Variants in HACE1 observed in about 807,000 individuals in gnomAD.
HACE1 encodes the protein HECT domain and ankyrin repeat containing E3 ubiquitin protein ligase 1, also known as E3 ubiquitin-protein ligase HACE1.
In HACE1, 73 loss-of-function variants were observed where a neutral mutation model predicts 118.4. That is an observed-to-expected ratio of 0.62 (90% CI 0.51 to 0.75). The LOEUF (loss-of-function observed/expected upper bound fraction) is 0.75, where lower values mean the gene tolerates loss of function less well. Ranked by LOEUF, HACE1 falls within the 30% of genes least tolerant of loss-of-function variation. The pLI is 0.00. For missense variants in HACE1, 749 were observed against 1,102.2 expected, an observed-to-expected ratio of 0.68 and a Z score of 4.54; for synonymous variants, 368 against 374.8, an observed-to-expected ratio of 0.98 and a Z score of 0.21.
intron 17 of HACE1, among the ~76,000 whole-genome samples, chr6:104,773,549 G>C (rs1780861828): frequency 6.6e-6 from 1 of 151,612 alleles, no homozygotes; most frequent in South Asian, 2.1e-4. Context: ...GTGAGATAAA[G>C]GCAGACTTCA....
intron 1 of HACE1, among the ~76,000 whole-genome samples, chr6:104,857,081 T>C (rs1776791780): frequency 6.6e-6 from 1 of 151,304 alleles, no homozygotes. Flanking sequence ...TTTAGAGAGA[T>C]CTCAGAGTTT....
intron 22 of HACE1, among the ~76,000 whole-genome samples, chr6:104,741,139 A>G (rs1164699915): frequency 9.4e-6 from 1 of 106,686 alleles, no homozygotes; most frequent in Non-Finnish European, 1.8e-5. Flanking sequence ...CCAATAAATT[A>G]GGTATTGATG....
rs1050492347 is a variant in HACE1, at chr6:104,729,305, G to C, written c.*357C>G. 4.2e-6 allele frequency: 1 copy of C among 239,778 alleles called. No individual in the cohort carries two copies. Among genetic ancestry groups the C allele is most frequent in the Non-Finnish European group, 8.2e-6 (1 of 121,296 alleles). The allele number at this position is 239,778 out of a possible 1,614,324, so 14.9% of individuals were successfully genotyped here. On this transcript the variant is annotated 3_prime_UTR_variant, in exon 24 of 24. Coordinates refer to ENST00000262903, the MANE Select transcript of HACE1 (RefSeq NM_020771.4). ...ACCTCATATAATATATCAGAAATTA[G>C]GAGAAAACACCCTTTTAACAAGACA...
chr6:104,759,012 TA>T (rs889021813), intron 19 of HACE1, among the ~76,000 whole-genome samples: 3 of 152,128 alleles, frequency 2.0e-5, no homozygotes, highest in Non-Finnish European at 4.4e-5. Context: ...ATGACCTAAA[TA>T]TGTATGCACC....
At chr6:104,748,901 G>A (rs1450327777) in intron 20 of HACE1, among the ~76,000 whole-genome samples, 1 of 152,106 alleles carries the variant, frequency 6.6e-6, no homozygotes, top group Non-Finnish European at 1.5e-5. Flanking sequence ...TGACTGGAGG[G>A]AGATGACAGA....
At chr6:104,732,487 T>C (rs1775314854) in intron 22 of HACE1, 1 of 152,140 alleles carries the variant, frequency 6.6e-6, no homozygotes, top group South Asian at 2.1e-4. Context: ...ACGAAGTTCT[T>C]AGAGTAGTCA....
At chr6:104,836,353 A>G (rs990243929) in intron 5 of HACE1, among the ~76,000 whole-genome samples, 2 of 152,242 alleles carry the variant, frequency 1.3e-5, no homozygotes, top group Non-Finnish European at 2.9e-5. Flanking sequence ...AAGTTATAAG[A>G]AAACTTTAAA....
intron 6 of HACE1, among the ~76,000 whole-genome samples, chr6:104,831,581 T>C (rs1773875315): frequency 7.3e-6 from 1 of 136,404 alleles, no homozygotes; most frequent in African/African-American, 2.8e-5. Context: ...CGAGCCTCCG[T>C]CTCAAAAAAA....
In HACE1 at chr6:104,791,583, C is replaced by T. The variant is rs1371773995; in HGVS notation, c.995G>A (p.Arg332Gln). The T allele has an allele frequency of 1.1e-5, 18 of 1,610,984 alleles. No homozygotes were observed. In the East Asian group the frequency reaches 1.8e-4, roughly 16 times the overall value. Residue 332 changes from arginine to glutamine, a missense_variant, in exon 11 of 24, where the codon CGA becomes CAA. Transcript: ENST00000262903. ...ATTACTGGGGGAGGATGGACCAATTCGAAAGACGTGACAAAACATTCTCAC... is the reference window on the plus strand; with the variant it reads ...ATTACTGGGGGAGGATGGACCAATTTGAAAGACGTGACAAAACATTCTCAC... ...RIVRMFCHVF[R>Q]IGPSSPSNGI...
At chr6:104,732,142 T>G (rs1367470831) in intron 22 of HACE1, 1 of 152,178 alleles carries the variant, frequency 6.6e-6, no homozygotes, top group Non-Finnish European at 1.5e-5. Context: ...GAAAACAGTA[T>G]GCAAGTTCCT....
At position 104,771,245 on chromosome 6, in the gene HACE1, T is replaced by G; in HGVS notation, c.2159A>C (p.Glu720Ala). 1 of 1,613,716 alleles carries G rather than the reference T, an allele frequency of 6.2e-7. No individual in the cohort carries two copies. Among genetic ancestry groups the G allele is most frequent in the Non-Finnish European group, 8.5e-7 (1 of 1,179,640 alleles). ...VETDVFGAME[E>A]VPLKPGGGSI... is the part of the protein sequence containing the mutation. The stretch of plus-strand genomic sequence containing the variant: ...CCCACCCCCAGGTTTCAAAGGCACC[T>G]CTTCCATTGCTCCAAACACATCAGT... Residue 720 changes from glutamate to alanine, a missense_variant, in exon 19 of 24, where the codon GAG becomes GCG. By Grantham distance (107) the Glu-to-Ala change is moderately radical. This residue lies in a region of HACE1 where 165 missense variants were observed against 229.9 expected (regional missense o/e 0.72). Coordinates refer to ENST00000262903, the MANE Select transcript of HACE1 (RefSeq NM_020771.4).
intron 17 of HACE1, among the ~76,000 whole-genome samples, chr6:104,774,080 CTTTTTTTTTTTT>C (rs540039211): frequency 4.0e-5 from 3 of 74,844 alleles, no homozygotes; most frequent in African/African-American, 8.0e-5. Context: ...CATCTTTTCT[CTTTTTTTTTTTT>C]TTTTTTTTTT....
At chr6:104,811,274 G>A (rs747514346) in intron 7 of HACE1, 37 bp downstream of exon 7, 34 of 511,384 alleles carry the variant, frequency 6.6e-5, no homozygotes, top group Middle Eastern at 3.0e-4. Flanking sequence ...ATATATATAT[G>A]AGCATATATA....
At chr6:104,812,781 AG>A (rs1297954209) in intron 6 of HACE1, among the ~76,000 whole-genome samples, 1 of 152,216 alleles carries the variant, frequency 6.6e-6, no homozygotes, top group Non-Finnish European at 1.5e-5. Context: ...AGGAATTGGA[AG>A]TACCAGGTAC....
intron 6 of HACE1, among the ~76,000 whole-genome samples, chr6:104,826,404 C>T (rs933239844): frequency 1.3e-5 from 2 of 152,138 alleles, no homozygotes; most frequent in African/African-American, 4.8e-5. Context: ...GTGATCAGTG[C>T]TATCCAGAAA....
In HACE1 at chr6:104,824,328, C is replaced by T. The variant is rs1444184577; in HGVS notation, c.534+8714G>A. 5.9e-5 allele frequency among the ~76,000 whole-genome samples: 9 copies of T among 152,272 alleles called. No homozygotes were observed. The South Asian group carries it at 6.2e-4, about 11-fold the overall frequency. ...TTGAGATATCATGAATGATAAATAGCTATGTAGAACTATAATGATGTATTT... is the reference window on the plus strand; with the variant it reads ...TTGAGATATCATGAATGATAAATAGTTATGTAGAACTATAATGATGTATTT... On this transcript the variant is annotated intron_variant, in intron 6 of 23. Transcript: ENST00000262903.
intron 5 of HACE1, among the ~76,000 whole-genome samples, chr6:104,839,079 A>G (rs963779703): frequency 2.6e-5 from 4 of 152,190 alleles, no homozygotes; most frequent in African/African-American, 9.6e-5. Context: ...AAAATGGCTT[A>G]TATCCAAAAG....
intron 13 of HACE1, 33 bp from the exon 14 acceptor site, chr6:104,784,206 G>T: frequency 8.3e-7 from 1 of 1,199,312 alleles, no homozygotes; most frequent in Non-Finnish European, 1.2e-6. Flanking sequence ...AAATGGACAG[G>T]AAGAATGAGT....
intron 20 of HACE1, 150 bp downstream of exon 20, chr6:104,750,191 A>G (rs991280751): frequency 1.5e-5 from 10 of 663,928 alleles, no homozygotes; most frequent in African/African-American, 1.5e-4. Flanking sequence ...CATAAATTTT[A>G]TATCAAATCT....
Sources: allele counts gnomAD v4.1 joint callset (sites outside exome capture counted in the v4.1 genomes callset), GRCh38; gene constraint gnomAD v4.1.1; regional missense constraint gnomAD v4.1.1; transcripts MANE v1.5; gene names NCBI Gene and HGNC (gene_info 2026-07-23, HGNC 2026-07-21).